The following ENO3 variants were observed in gnomAD, a reference collection of about 807,000 sequenced individuals.
ENO3 encodes beta-enolase.
A neutral mutation model predicts 47.7 loss-of-function variants in ENO3; 46 were observed. The observed-to-expected ratio is 0.96, with a 90% CI of 0.76 to 1.23. The LOEUF is 1.23. Ranked by LOEUF, ENO3 falls within the 50% of genes most tolerant of loss-of-function variation. The pLI, the probability that ENO3 is intolerant of heterozygous loss-of-function variation, is 0.00. For synonymous variants in ENO3, 223 were observed against 225.9 expected, an observed-to-expected ratio of 0.99 and a Z score of 0.11; for missense variants, 575 against 566.2, an observed-to-expected ratio of 1.02 and a Z score of -0.16.
chr17:4,956,092 G>C lies in ENO3; in HGVS notation c.1016G>C (p.Cys339Ser). The stretch of plus-strand genomic sequence containing the variant: ...GCCGTTGAGAAGAAGGCCTGCAACT[G>C]TCTGCTGCTGAAGGTCAACCAGATC... Reference protein sequence around the residue: ...AQAVEKKACNCLLLKVNQIGS... With the variant: ...AQAVEKKACNSLLLKVNQIGS... Residue 339 changes from cysteine (C) to serine (S), a missense_variant, in exon 9 of 12, where the codon TGT becomes TCT. Coordinates refer to ENST00000519602, the MANE Select transcript of ENO3 (RefSeq NM_053013.4). 6.2e-7 allele frequency: 1 copy of C among 1,614,046 alleles called. No homozygotes were observed. The highest frequency in any genetic ancestry group is 1.1e-5 in the South Asian group (1 of 91,074).
chr17:4,956,822 C>A lies in ENO3; in HGVS notation c.1177-9C>A, dbSNP rs758742251. 1.9e-6 allele frequency: 3 copies of A among 1,614,224 alleles called. No individual in the cohort carries two copies. The Admixed American group carries it at 5.0e-5, about 27-fold the overall frequency. On this transcript the variant is annotated splice_polypyrimidine_tract_variant and intron_variant, in intron 10 of 11. Coordinates refer to ENST00000519602, the MANE Select transcript of ENO3 (RefSeq NM_053013.4). ...CACCTAACCCTCCAAATTCTTCTTC[C>A]CTCATCAGATCAAGACTGGCGCCCC... is the stretch of plus-strand genomic sequence containing the variant.
chr17:4,951,751 G>C (rs1971546264), intron 1 of ENO3, 77 bp from the exon 2 acceptor site: 8 of 1,509,356 alleles, frequency 5.3e-6, no homozygotes, highest in Non-Finnish European at 7.4e-6. Flanking sequence ...GAGTGGGGAA[G>C]AATCTTAAAG....
chr17:4,951,746 G>C, intron 1 of ENO3, 82 bp from the exon 2 acceptor site: 1 of 1,475,416 alleles, frequency 6.8e-7, no homozygotes, highest in Non-Finnish European at 9.5e-7. Flanking sequence ...TCTTGGAGTG[G>C]GGAAGAATCT....
upstream of ENO3, chr17:4,950,632 T>C (rs1454685550): frequency 3.5e-5 from 34 of 985,012 alleles, no homozygotes; most frequent in Non-Finnish European, 4.1e-5. Flanking sequence ...CCCTAAGAGG[T>C]GAGACCCTCT....
intron 9 of ENO3, 38 bp from the exon 10 acceptor site, chr17:4,956,535 G>A: frequency 6.2e-7 from 1 of 1,607,368 alleles, no homozygotes; most frequent in Non-Finnish European, 8.5e-7. Context: ...CCACTGAGGA[G>A]GTTCTAGAAG....
Position 4,955,226 on chromosome 17 carries a change from A to G in ENO3, c.596A>G (p.Lys199Arg), listed in dbSNP as rs1305851891. ...YHHLKGVIKA[K>R]YGKDATNVGD... ...CACCTCAAGGGGGTCATCAAGGCCA[A>G]GTATGGGAAGGATGCCACCAATGTG... The change falls in exon 7 of 12, where the codon AAG (lysine) becomes AGG (arginine). Residue 199 changes from lysine (K) to arginine (R), a missense_variant. Lys to Arg is a conservative substitution (Grantham distance 26, BLOSUM62 2). Transcript: ENST00000519602. The G allele has an allele frequency of 1.2e-6, 2 of 1,614,302 alleles. No individual in the cohort carries two copies. Among genetic ancestry groups the G allele is most frequent in the South Asian group, 2.2e-5 (2 of 91,092 alleles).
chr17:4,950,616 T>G (rs1309646617), upstream of ENO3: 9 of 985,446 alleles, frequency 9.1e-6, no homozygotes, highest in Non-Finnish European at 7.2e-6. Context: ...ATGGCCGTTA[T>G]GAGGACCCTA....
intron 9 of ENO3, 114 bp downstream of exon 9, chr17:4,956,257 C>A: frequency 1.6e-6 from 2 of 1,243,382 alleles, no homozygotes; most frequent in Non-Finnish European, 2.3e-6. Flanking sequence ...TGGCACCTGA[C>A]TTACCCACAC....
chr17:4,952,311 G>A (rs1377841383), intron 2 of ENO3: 1 of 357,924 alleles, frequency 2.8e-6, no homozygotes, highest in African/African-American at 2.1e-5. Flanking sequence ...CAAGTAGCTG[G>A]GATTACAGGC....
rs1379047673 is a variant in ENO3 at position 4,957,027 on chromosome 17, C to T, written c.1285C>T (p.Arg429Cys). ...DKAIFAGRKF[R>C]NPKAK ...GGCAATCTTTGCTGGACGCAAGTTCCGTAACCCGAAGGCCAAGTGAGAAGC... is the reference window on the plus strand; with the variant it reads ...GGCAATCTTTGCTGGACGCAAGTTCTGTAACCCGAAGGCCAAGTGAGAAGC... Residue 429 changes from arginine to cysteine, a missense_variant, in exon 12 of 12, where the codon CGT becomes TGT. Transcript: ENST00000519602. The T allele has an allele frequency of 8.1e-6, 13 of 1,614,076 alleles. No individual in the cohort carries two copies. Among genetic ancestry groups the T allele is most frequent in the South Asian group, 3.3e-5 (3 of 91,086 alleles).
At chr17:4,956,267 C>A in intron 9 of ENO3, 124 bp downstream of exon 9, 1 of 1,188,790 alleles carries the variant, frequency 8.4e-7, no homozygotes, top group Non-Finnish European at 1.2e-6. Context: ...CTTACCCACA[C>A]CTTGATCTCA....
rs35119507 is a variant in ENO3, at chr17:4,955,567, C to G, written c.828C>G (p.Leu276=). The G allele has an allele frequency of 2.5e-6, 4 of 1,614,210 alleles. No homozygotes were observed. In the East Asian group the frequency reaches 8.9e-5, roughly 36 times the overall value. Residue 276 remains leucine (L), a synonymous_variant, in exon 8 of 12, where the codon CTC becomes CTG. Coordinates refer to ENST00000519602, the MANE Select transcript of ENO3 (RefSeq NM_053013.4). The stretch of plus-strand genomic sequence containing the variant: ...CACGGCACATCACTGGGGAGAAGCT[C>G]GGAGAGCTGTATAAGAGCTTTATCA... The part of the protein sequence containing the change: ...DPARHITGEK[L]GELYKSFIKN...
intron 3 of ENO3, 56 bp from the exon 4 acceptor site, chr17:4,952,995 C>T: frequency 6.2e-7 from 1 of 1,612,684 alleles, no homozygotes; most frequent in Non-Finnish European, 8.5e-7. Flanking sequence ...GAGCTGGGGT[C>T]CACAGAAAGG....
At chr17:4,955,754 C>T in intron 8 of ENO3, 150 bp downstream of exon 8, 2 of 1,343,152 alleles carry the variant, frequency 1.5e-6, no homozygotes, top group African/African-American at 1.4e-5. Flanking sequence ...GCCCTGTCAC[C>T]CCTCCATGAG....
At chr17:4,953,646 TC>T (rs1187362937) in intron 5 of ENO3, 65 bp from the exon 6 acceptor site, 32 of 1,613,304 alleles carry the variant, frequency 2.0e-5, no homozygotes, top group Non-Finnish European at 2.6e-5. Flanking sequence ...TCTGGCGTCT[TC>T]CTGGAGTAGC....
chr17:4,952,175 T>G (rs192868823), intron 2 of ENO3: 81 of 565,442 alleles, frequency 1.4e-4, no homozygotes, highest in East Asian at 8.5e-4. Flanking sequence ...GAGGTCCTTT[T>G]TTTTGTTTTG....
upstream of ENO3, among the ~76,000 whole-genome samples, chr17:4,949,709 G>T (rs1343436542): frequency 6.6e-6 from 1 of 152,106 alleles, no homozygotes; most frequent in Non-Finnish European, 1.5e-5. Context: ...CTGGGCTAGG[G>T]GCAAGGGGTC....
In ENO3 at chr17:4,956,002, C is replaced by T. The variant is rs762985992; in HGVS notation, c.926C>T (p.Ser309Leu). ...TGGGCCACTTGGACCTCCTTCCTCT[C>T]GGGGGTGAACATCCAGATTGTGGGG... ...DDWATWTSFL[S>L]GVNIQIVGDD... Residue 309 changes from serine (S) to leucine (L), a missense_variant, in exon 9 of 12, where the codon TCG (serine) becomes TTG (leucine). Physicochemically the swap from Ser to Leu is moderately radical, Grantham distance 145. Transcript: ENST00000519602. The T allele has an allele frequency of 9.3e-6, 15 of 1,614,028 alleles. No homozygotes were observed. The highest frequency in any genetic ancestry group is 4.5e-5 in the East Asian group (2 of 44,876).
intron 1 of ENO3, 71 bp downstream of exon 1, chr17:4,951,253 G>T (rs961410790): frequency 3.0e-6 from 3 of 1,008,510 alleles, no homozygotes; most frequent in African/African-American, 1.7e-5. Context: ...TGGAGGAAGT[G>T]GGGGACATTT....
Sources: allele counts gnomAD v4.1 joint callset (sites outside exome capture counted in the v4.1 genomes callset), GRCh38; gene constraint gnomAD v4.1.1; transcripts MANE v1.5; gene names NCBI Gene and HGNC (gene_info 2026-07-23, HGNC 2026-07-21).